FAM81A: variants seen among roughly 807,000 people sequenced by gnomAD.
The protein encoded by FAM81A is protein FAM81A.
A neutral mutation model predicts 46.7 loss-of-function variants in FAM81A; 19 were observed. That is an observed-to-expected ratio of 0.41 (90% CI 0.28 to 0.60). The LOEUF (loss-of-function observed/expected upper bound fraction) is 0.60. Among genes scored for constraint, FAM81A ranks in the 20% least tolerant of loss-of-function variants. The probability of loss-of-function intolerance (pLI) is 0.34; values close to 1 mark genes in which losing one functional copy is unlikely to be tolerated. For missense variants in FAM81A, 377 were observed against 453.5 expected, an observed-to-expected ratio of 0.83 and a Z score of 1.53; for synonymous variants, 183 against 152.9, an observed-to-expected ratio of 1.20 and a Z score of -1.45.
At position 59,401,642 on chromosome 15, in the gene FAM81A, G is replaced by A. The variant is rs142592824; in HGVS notation, c.-160-634G>A. On this transcript the variant is annotated intron_variant, in intron 1 of 4. Transcript: ENST00000558348. Reference sequence around the variant, plus strand: ...TCCCTGGGCACATACTTTAGGCAGAGGGACTTCCCATTTTCCCGCCTTCTC... The same window carrying A: ...TCCCTGGGCACATACTTTAGGCAGAAGGACTTCCCATTTTCCCGCCTTCTC... 557 of 891,570 alleles carry A rather than the reference G, an allele frequency of 6.2e-4. 1 individual carries two copies. The African/African-American group carries it at 8.4e-3, about 13-fold the overall frequency. The allele number at this position is 891,570 out of a possible 1,614,324, so 55.2% of individuals were successfully genotyped here.
At chr15:59,423,591 A>G (rs796290874) in intron 2 of FAM81A, among the ~76,000 whole-genome samples, 14 of 152,332 alleles carry the variant, frequency 9.2e-5, no homozygotes, top group African/African-American at 3.1e-4. Flanking sequence ...ATTATATGTG[A>G]CAAAAGGGAA....
intron 3 of FAM81A, among the ~76,000 whole-genome samples, chr15:59,481,714 T>G (rs1286801582): frequency 2.6e-5 from 4 of 151,980 alleles, no homozygotes; most frequent in African/African-American, 7.2e-5. Context: ...TTCTTATTAT[T>G]TCATTTAATA....
At chr15:59,422,917 T>C (rs1168112710) in intron 2 of FAM81A, among the ~76,000 whole-genome samples, 3 of 152,314 alleles carry the variant, frequency 2.0e-5, no homozygotes, top group Middle Eastern at 3.4e-3. Flanking sequence ...AATGGTAAAT[T>C]TCTTAACTGT....
chr15:59,467,559 G>A (rs2081629842), intron 3 of FAM81A, among the ~76,000 whole-genome samples: 1 of 152,274 alleles, frequency 6.6e-6, no homozygotes, highest in South Asian at 2.1e-4. Flanking sequence ...CATTGATTTT[G>A]TATCCTGAGA....
intron 2 of FAM81A, among the ~76,000 whole-genome samples, chr15:59,404,465 T>C (rs1384645994): frequency 6.6e-6 from 1 of 152,132 alleles, no homozygotes; most frequent in Non-Finnish European, 1.5e-5. Flanking sequence ...CTATACATTC[T>C]TTGTTTTTTT....
intron 2 of FAM81A, among the ~76,000 whole-genome samples, chr15:59,421,877 A>G (rs62015059): frequency 1.2e-4 from 5 of 43,080 alleles, no homozygotes; most frequent in African/African-American, 6.6e-4. Flanking sequence ...CCCTCTATCT[A>G]TCTATCTATC....
At chr15:59,512,827 C>G (rs1018982135) in intron 6 of FAM81A, among the ~76,000 whole-genome samples, 2 of 152,120 alleles carry the variant, frequency 1.3e-5, no homozygotes, top group South Asian at 4.1e-4. Context: ...GGGAGAGAGT[C>G]CAGGGCAGAA....
chr15:59,454,245 G>A (rs190513030), intron 1 of FAM81A, among the ~76,000 whole-genome samples: 134 of 152,228 alleles, frequency 8.8e-4, no homozygotes, highest in Non-Finnish European at 4.4e-5. Context: ...TGGGCATAAT[G>A]TATCAATCCT....
intron 2 of FAM81A, among the ~76,000 whole-genome samples, chr15:59,410,250 T>C (rs2141537453): frequency 6.6e-6 from 1 of 151,984 alleles, no homozygotes; most frequent in East Asian, 1.9e-4. Flanking sequence ...GAGTTGAGAT[T>C]GCACCATTGC....
At chr15:59,508,246 A>G (rs1287082995) in intron 5 of FAM81A, among the ~76,000 whole-genome samples, 1 of 152,244 alleles carries the variant, frequency 6.6e-6, no homozygotes, top group East Asian at 1.9e-4. Flanking sequence ...CAAAAGAGAC[A>G]TTCTTTCTCT....
At chr15:59,456,186 G>C (rs1483818545) in intron 1 of FAM81A, among the ~76,000 whole-genome samples, 1 of 152,128 alleles carries the variant, frequency 6.6e-6, no homozygotes, top group African/African-American at 2.4e-5. Flanking sequence ...AATTTTCTAG[G>C]CTGGCAGGGG....
chr15:59,490,179 TA>T (rs1386166801), intron 3 of FAM81A, among the ~76,000 whole-genome samples: 1 of 150,528 alleles, frequency 6.6e-6, no homozygotes, highest in Non-Finnish European at 1.5e-5. Context: ...AAACATTGGA[TA>T]AACTCTCTAG....
intron 8 of FAM81A, among the ~76,000 whole-genome samples, chr15:59,518,748 T>C (rs192546461): frequency 6.6e-5 from 10 of 152,306 alleles, no homozygotes; most frequent in African/African-American, 2.4e-4. Flanking sequence ...CATTATTTCC[T>C]TTATAGCAAC....
chr15:59,506,798 G>C (rs1383570900), intron 4 of FAM81A, among the ~76,000 whole-genome samples: 8 of 152,186 alleles, frequency 5.3e-5, no homozygotes, highest in Non-Finnish European at 1.0e-4. Context: ...GAGTGATTCA[G>C]TCAAAGTTTA....
intron 2 of FAM81A, among the ~76,000 whole-genome samples, chr15:59,428,866 A>G (rs1174404438): frequency 6.6e-6 from 1 of 152,050 alleles, no homozygotes; most frequent in Non-Finnish European, 1.5e-5. Context: ...CCTGAGCACA[A>G]GTGATCTGCC....
At chr15:59,400,292 C>T (rs889944222) in intron 1 of FAM81A, among the ~76,000 whole-genome samples, 48 of 152,234 alleles carry the variant, frequency 3.2e-4, no homozygotes, top group African/African-American at 1.2e-3. Flanking sequence ...TCCCTCCCCG[C>T]CCACATCCAG....
chr15:59,499,231 A>G (rs1215506768), intron 4 of FAM81A, among the ~76,000 whole-genome samples: 2 of 151,934 alleles, frequency 1.3e-5, no homozygotes, highest in East Asian at 1.9e-4. Context: ...TCCTTTTTTT[A>G]TATTGCAGGA....
intron 1 of FAM81A, among the ~76,000 whole-genome samples, chr15:59,399,851 G>A (rs1286714464): frequency 6.6e-6 from 1 of 152,200 alleles, no homozygotes; most frequent in African/African-American, 2.4e-5. Flanking sequence ...AGGGGAAAGA[G>A]TGGATAGTAT....
chr15:59,461,722 C>T (rs773278256), intron 3 of FAM81A, among the ~76,000 whole-genome samples: 1 of 152,144 alleles, frequency 6.6e-6, no homozygotes, highest in Non-Finnish European at 1.5e-5. Context: ...TCTGGATATA[C>T]CACATTCTGT....
Sources: allele counts gnomAD v4.1 joint callset (sites outside exome capture counted in the v4.1 genomes callset), GRCh38; gene constraint gnomAD v4.1.1; transcripts MANE v1.5; gene names NCBI Gene and HGNC (gene_info 2026-07-23, HGNC 2026-07-21).